COG5: variants seen among roughly 807,000 people sequenced by gnomAD.
COG5 encodes conserved oligomeric Golgi complex subunit 5.
COG5 carries 86 observed loss-of-function variants against 110.4 expected under a neutral mutation model. The observed-to-expected ratio is 0.78, with a 90% CI of 0.65 to 0.93. COG5 has a LOEUF of 0.93. Among genes scored for constraint, COG5 ranks in the 40% least tolerant of loss-of-function variants. The pLI is 0.00. For synonymous variants in COG5, 360 were observed against 334.6 expected, an observed-to-expected ratio of 1.08 and a Z score of -0.83; for missense variants, 1,077 against 987.0, an observed-to-expected ratio of 1.09 and a Z score of -1.22.
intron 14 of COG5, among the ~76,000 whole-genome samples, chr7:107,277,459 A>G (rs1804788018): frequency 6.6e-6 from 1 of 152,200 alleles, no homozygotes; most frequent in African/African-American, 2.4e-5. Flanking sequence ...GAACAACAAC[A>G]GTGAAAAATA....
intron 15 of COG5, among the ~76,000 whole-genome samples, chr7:107,257,156 G>A (rs1368835535): frequency 6.6e-6 from 1 of 152,010 alleles, no homozygotes; most frequent in South Asian, 2.1e-4. Flanking sequence ...TTTCCAACAA[G>A]TCTTTAAAAT....
rs148900436 is a variant in COG5 at position 107,436,824 on chromosome 7, T to C, written c.539-24192A>G. ...GATCATGAGTGCTCAGCAAATGTCA[T>C]CAAGACGCAGTGTGCCTTGTTTAAA... On this transcript the variant is annotated intron_variant, in intron 6 of 21. Coordinates refer to ENST00000297135, the MANE Select transcript of COG5 (RefSeq NM_006348.5). 1.1e-3 allele frequency among the ~76,000 whole-genome samples: 172 copies of C among 152,326 alleles called. 1 individual carries two copies. Among genetic ancestry groups the C allele is most frequent in the Admixed American group, 0.011 (168 of 15,298 alleles).
chr7:107,388,735 T>C (rs1404869975), intron 7 of COG5, among the ~76,000 whole-genome samples: 1 of 152,202 alleles, frequency 6.6e-6, no homozygotes, highest in Non-Finnish European at 1.5e-5. Context: ...AGTGAATTAC[T>C]AATGCGGGGA....
At chr7:107,438,443 C>T (rs944035667) in intron 6 of COG5, among the ~76,000 whole-genome samples, 16 of 152,180 alleles carry the variant, frequency 1.1e-4, no homozygotes, top group Non-Finnish European at 2.1e-4. Context: ...TTTGTCAAAA[C>T]GTTATATAAG....
At chr7:107,531,905 T>C (rs1801239306) in intron 5 of COG5, among the ~76,000 whole-genome samples, 1 of 152,176 alleles carries the variant, frequency 6.6e-6, no homozygotes, top group Non-Finnish European at 1.5e-5. Context: ...AGTCAGTTCC[T>C]GAGTTCCTTT....
chr7:107,416,670 C>T (rs1431185401), intron 6 of COG5, among the ~76,000 whole-genome samples: 1 of 152,134 alleles, frequency 6.6e-6, no homozygotes, highest in Non-Finnish European at 1.5e-5. Context: ...ACAACAGTTA[C>T]TATAACTGTA....
chr7:107,372,867 A>T, intron 7 of COG5, 107 bp from the exon 8 acceptor site: 1 of 927,854 alleles, frequency 1.1e-6, no homozygotes, highest in Non-Finnish European at 1.6e-6. Flanking sequence ...TATCATATTT[A>T]AATACTACCA....
rs747809652 is a variant in COG5, at chr7:107,203,527, C to G, written c.2479G>C (p.Ala827Pro). The stretch of plus-strand genomic sequence containing the variant: ...AAGATTTCATGTCATTACTGAAGAG[C>G]AGACATAGCCTTTTGAAGCAGCTGA... ...MVQLLQKAMSALQ is the reference protein window; with the variant it reads ...MVQLLQKAMSPLQ Residue 827 changes from alanine to proline, a missense_variant, in exon 22 of 22, where the codon GCT becomes CCT. By Grantham distance (27) the Ala-to-Pro change is conservative. Coordinates refer to ENST00000297135, the MANE Select transcript of COG5 (RefSeq NM_006348.5). 3.1e-6 allele frequency: 5 copies of G among 1,610,290 alleles called. No homozygotes were observed. In the Admixed American group the frequency reaches 6.7e-5, roughly 21 times the overall value.
rs565754352 is a variant in COG5, at chr7:107,243,567, C to T, written c.1853+4829G>A. On this transcript the variant is annotated intron_variant, in intron 17 of 21. Transcript: ENST00000297135. ...ACCTTCAAAGACTCCCACACAATAA[C>T]GGTGGGAGACTTCAGCACTCCAATG... is the stretch of plus-strand genomic sequence containing the variant. Among the ~76,000 whole-genome samples, 4 of 147,148 alleles carry T rather than the reference C, an allele frequency of 2.7e-5. No individual in the cohort carries two copies. The South Asian group carries it at 6.5e-4, about 24-fold the overall frequency.
intron 2 of COG5, 89 bp from the exon 3 acceptor site, chr7:107,554,431 T>G: frequency 8.6e-7 from 1 of 1,163,186 alleles, no homozygotes; most frequent in Non-Finnish European, 1.3e-6. Context: ...TCTCTTGGTG[T>G]AGAAACGAGG....
intron 7 of COG5, among the ~76,000 whole-genome samples, chr7:107,392,957 A>C (rs1029895040): frequency 6.6e-6 from 1 of 152,114 alleles, no homozygotes; most frequent in Non-Finnish European, 1.5e-5. Context: ...CCATGGAAAA[A>C]ATTCTTATTT....
At chr7:107,319,382 A>C (rs1278257463) in intron 11 of COG5, among the ~76,000 whole-genome samples, 1 of 152,164 alleles carries the variant, frequency 6.6e-6, no homozygotes, top group Non-Finnish European at 1.5e-5. Flanking sequence ...AATATGTGAT[A>C]CTATATTGTT....
intron 10 of COG5, among the ~76,000 whole-genome samples, chr7:107,361,649 C>T (rs768405758): frequency 6.6e-6 from 1 of 152,308 alleles, no homozygotes; most frequent in East Asian, 1.9e-4. Flanking sequence ...GCAACCTCTG[C>T]CTCCTGGTTT....
chr7:107,487,159 G>A (rs1028392302), intron 6 of COG5, among the ~76,000 whole-genome samples: 4 of 152,034 alleles, frequency 2.6e-5, no homozygotes, highest in Admixed American at 6.6e-5. Flanking sequence ...TACAACCTAT[G>A]TAGTAAAGCA....
chr7:107,323,098 A>C (rs1809445291), intron 11 of COG5, among the ~76,000 whole-genome samples: 2 of 152,218 alleles, frequency 1.3e-5, no homozygotes, highest in Non-Finnish European at 2.9e-5. Flanking sequence ...ACATTTGTCA[A>C]ACATCATAGA....
chr7:107,436,302 C>A (rs563113652), intron 6 of COG5, among the ~76,000 whole-genome samples: 1 of 152,288 alleles, frequency 6.6e-6, no homozygotes, highest in South Asian at 2.1e-4. Flanking sequence ...GCATGCTATA[C>A]AACATAGATG....
At chr7:107,322,222 TCAGGGGGA>T (rs1809361505) in intron 11 of COG5, among the ~76,000 whole-genome samples, 1 of 152,100 alleles carries the variant, frequency 6.6e-6, no homozygotes, top group Non-Finnish European at 1.5e-5. Flanking sequence ...GGTGATGAGG[TCAGGGGGA>T]GAAAATCCTC....
intron 6 of COG5, among the ~76,000 whole-genome samples, chr7:107,509,433 G>C (rs984750307): frequency 4.6e-5 from 7 of 152,232 alleles, no homozygotes; most frequent in Non-Finnish European, 1.0e-4. Flanking sequence ...TGGTGTACCT[G>C]AAAGTGATGG....
intron 6 of COG5, among the ~76,000 whole-genome samples, chr7:107,483,561 G>A (rs548892948): frequency 3.3e-5 from 5 of 152,140 alleles, no homozygotes; most frequent in East Asian, 1.9e-4. Context: ...AAAATTAGCC[G>A]GGTGTGGTGG....
Sources: allele counts gnomAD v4.1 joint callset (sites outside exome capture counted in the v4.1 genomes callset), GRCh38; gene constraint gnomAD v4.1.1; transcripts MANE v1.5; gene names NCBI Gene and HGNC (gene_info 2026-07-23, HGNC 2026-07-21).